MRC1: variants seen among roughly 807,000 people sequenced by gnomAD.
The protein encoded by MRC1 is macrophage mannose receptor 1.
MRC1 carries 62 observed loss-of-function variants against 102.9 expected under a neutral mutation model. That is an observed-to-expected ratio of 0.60 (90% CI 0.49 to 0.74). The LOEUF (loss-of-function observed/expected upper bound fraction) is 0.74. MRC1 is among the 30% of genes least tolerant of loss of function. The pLI is 0.00. For synonymous variants in MRC1, 457 were observed against 298.4 expected, an observed-to-expected ratio of 1.53 and a Z score of -5.48; for missense variants, 1,237 against 862.8, an observed-to-expected ratio of 1.43 and a Z score of -5.43.
chr10:17,865,755 A>G (rs1363821607), intron 11 of MRC1, among the ~76,000 whole-genome samples: 1 of 152,250 alleles, frequency 6.6e-6, no homozygotes, highest in Non-Finnish European at 1.5e-5. Flanking sequence ...AGACAATCTT[A>G]GGAATCAGGG....
chr10:17,836,203 C>T (rs1016282458), intron 4 of MRC1, among the ~76,000 whole-genome samples: 12 of 152,192 alleles, frequency 7.9e-5, no homozygotes, highest in African/African-American at 2.7e-4. Context: ...AGATGACACC[C>T]GTCACCAACC....
At chr10:17,876,029 T>G (rs1833431581) in intron 17 of MRC1, among the ~76,000 whole-genome samples, 1 of 152,184 alleles carries the variant, frequency 6.6e-6, no homozygotes, top group Non-Finnish European at 1.5e-5. Context: ...ATGTTGAGCA[T>G]TTTTTCATAG....
chr10:17,862,726 G>C (rs1342554715), intron 10 of MRC1, among the ~76,000 whole-genome samples: 1 of 152,120 alleles, frequency 6.6e-6, no homozygotes, highest in African/African-American at 2.4e-5. Context: ...TTGTATTGCT[G>C]TTAGGTTTCT....
Position 17,866,567 on chromosome 10 carries a change from A to C in MRC1, c.1789A>C (p.Lys597Gln). The change falls in exon 12 of 30, where the codon AAG becomes CAG. Residue 597 changes from lysine to glutamine, a missense_variant. Lys to Gln is a moderately conservative substitution (Grantham distance 53). Coordinates refer to ENST00000569591, the MANE Select transcript of MRC1 (RefSeq NM_002438.4). ...THWNSDMPGR[K>Q]PGCVAMRTGI... ...ACTTCATATATTTAATGCAGGGCGAAAGCCAGGGTGTGTTGCCATGAGAAC... is the reference window on the plus strand; with the variant it reads ...ACTTCATATATTTAATGCAGGGCGACAGCCAGGGTGTGTTGCCATGAGAAC... 1 of 780,816 alleles carries C rather than the reference A, an allele frequency of 1.3e-6. No individual in the cohort carries two copies. Among genetic ancestry groups the C allele is most frequent in the South Asian group, 1.3e-5 (1 of 74,612 alleles). The allele number at this position is 780,816 out of a possible 1,614,324, so 48.4% of individuals were successfully genotyped here.
intron 6 of MRC1, 133 bp from the exon 7 acceptor site, chr10:17,849,446 A>G: frequency 1.7e-6 from 1 of 602,386 alleles, no homozygotes; most frequent in Non-Finnish European, 3.0e-6. Flanking sequence ...CTGCGAAAAT[A>G]AAAACTAAAT....
chr10:17,909,637 G>T, intron 29 of MRC1, among the ~76,000 whole-genome samples: 1 of 149,808 alleles, frequency 6.7e-6, no homozygotes. Flanking sequence ...GAATCTCTGT[G>T]GGTTTTTTTC....
intron 5 of MRC1, among the ~76,000 whole-genome samples, chr10:17,843,495 G>T (rs968112199): frequency 6.6e-6 from 1 of 151,956 alleles, no homozygotes; most frequent in Non-Finnish European, 1.5e-5. Context: ...GTGAAACCCC[G>T]TCTATACTAA....
intron 1 of MRC1, among the ~76,000 whole-genome samples, chr10:17,813,045 C>G (rs534651639): frequency 6.6e-6 from 1 of 152,048 alleles, no homozygotes; most frequent in Non-Finnish European, 1.5e-5. Flanking sequence ...GAATCATAGA[C>G]CATTAAAGCA....
chr10:17,821,614 G>A (rs1838397612), intron 1 of MRC1, among the ~76,000 whole-genome samples: 1 of 152,132 alleles, frequency 6.6e-6, no homozygotes, highest in South Asian at 2.1e-4. Flanking sequence ...AGCGTGTCAG[G>A]AGAAAATAAT....
chr10:17,838,556 TAA>T (rs140577655), intron 4 of MRC1, among the ~76,000 whole-genome samples: 207 of 147,076 alleles, frequency 1.4e-3, no homozygotes, highest in Admixed American at 1.6e-3. Flanking sequence ...GGACCTCAAT[TAA>T]AAAAAAAAAA....
At chr10:17,895,024 T>C (rs1184732840) in intron 23 of MRC1, among the ~76,000 whole-genome samples, 1 of 152,120 alleles carries the variant, frequency 6.6e-6, no homozygotes, top group East Asian at 1.9e-4. Context: ...AATACAAAAA[T>C]TATTTTGTAC....
At chr10:17,839,396 A>G (rs1189912770) in intron 4 of MRC1, among the ~76,000 whole-genome samples, 1 of 150,040 alleles carries the variant, frequency 6.7e-6, no homozygotes. Context: ...GGGAATAGCT[A>G]GTATTAAAAT....
chr10:17,899,793 A>C (rs1833803762), intron 24 of MRC1, among the ~76,000 whole-genome samples: 1 of 152,132 alleles, frequency 6.6e-6, no homozygotes, highest in South Asian at 2.1e-4. Flanking sequence ...GTTTCACTAA[A>C]TTTAATAAGA....
chr10:17,850,047 A>C (rs1337412198), intron 7 of MRC1, among the ~76,000 whole-genome samples: 4 of 152,100 alleles, frequency 2.6e-5, no homozygotes, highest in Non-Finnish European at 5.9e-5. Flanking sequence ...TTCATGCATT[A>C]TCTGGATGCA....
chr10:17,848,688 T>C (rs1478230257), intron 6 of MRC1, among the ~76,000 whole-genome samples: 1 of 152,172 alleles, frequency 6.6e-6, no homozygotes. Flanking sequence ...TTTTCACCTA[T>C]ATGGGTACTC....
chr10:17,845,516 G>A, intron 6 of MRC1, 81 bp downstream of exon 6: 1 of 768,168 alleles, frequency 1.3e-6, no homozygotes, highest in African/African-American at 1.7e-5. Context: ...TGTAACTGTT[G>A]GAATGCCGCC....
chr10:17,829,264 T>TA (rs1218991840), intron 3 of MRC1, among the ~76,000 whole-genome samples: 4 of 151,484 alleles, frequency 2.6e-5, no homozygotes, highest in Non-Finnish European at 5.9e-5. Flanking sequence ...CAGAACAACT[T>TA]AAAAAATACC....
chr10:17,839,957 T>G (rs1838725667), intron 4 of MRC1, among the ~76,000 whole-genome samples: 1 of 149,732 alleles, frequency 6.7e-6, no homozygotes, highest in South Asian at 2.1e-4. Flanking sequence ...TCCCAGCTAC[T>G]CGAGAGGCTG....
chr10:17,897,932 T>C, intron 23 of MRC1, 102 bp from the exon 24 acceptor site: 1 of 771,106 alleles, frequency 1.3e-6, no homozygotes, highest in Non-Finnish European at 2.4e-6. Context: ...GGAGTTATGC[T>C]ACTTTGCTTA....
Sources: allele counts gnomAD v4.1 joint callset (sites outside exome capture counted in the v4.1 genomes callset), GRCh38; gene constraint gnomAD v4.1.1; transcripts MANE v1.5; gene names NCBI Gene and HGNC (gene_info 2026-07-23, HGNC 2026-07-21).